Variants in LAD1 observed in about 807,000 individuals in gnomAD.
LAD1 encodes the protein ladinin 1, also known as ladinin-1.
In LAD1, 53 loss-of-function variants were observed where a neutral mutation model predicts 54.2. That is an observed-to-expected ratio of 0.98 (90% CI 0.78 to 1.23). The LOEUF (loss-of-function observed/expected upper bound fraction) is 1.23, where lower values mean the gene tolerates loss of function less well. LAD1 is among the 50% of genes most tolerant of loss of function. The probability of loss-of-function intolerance (pLI) is 0.00; values close to 1 mark genes in which losing one functional copy is unlikely to be tolerated. For synonymous variants in LAD1, 231 were observed against 257.7 expected, an observed-to-expected ratio of 0.90 and a Z score of 0.99; for missense variants, 637 against 653.3, an observed-to-expected ratio of 0.98 and a Z score of 0.27.
intron 9 of LAD1, 110 bp downstream of exon 9, chr1:201,382,142 G>A (rs1558268807): frequency 2.0e-6 from 2 of 988,832 alleles, no homozygotes; most frequent in Admixed American, 1.8e-5. Flanking sequence ...GGCGTTCTGG[G>A]TGGACTGCGC....
At position 201,386,755 on chromosome 1, in the gene LAD1, G is replaced by C. The variant is rs775559337; in HGVS notation, c.606C>G (p.Ile202Met). 9 of 1,614,112 alleles carry C rather than the reference G, an allele frequency of 5.6e-6. No homozygotes were observed. The highest frequency in any genetic ancestry group is 2.2e-5 in the South Asian group (2 of 91,090). The change falls in exon 3 of 10, where the codon ATC becomes ATG. Residue 202 changes from isoleucine to methionine, a missense_variant. Coordinates refer to ENST00000391967, the MANE Select transcript of LAD1 (RefSeq NM_005558.4). The part of the protein sequence containing the change: ...EKSLVSDKTS[I>M]SEKVLASEKT... ...TCTCTGAGGCCAGCACCTTCTCAGA[G>C]ATGGAGGTTTTATCGGAGACCAGGC...
intron 7 of LAD1, 124 bp downstream of exon 7, chr1:201,382,950 G>A: frequency 8.2e-7 from 1 of 1,223,352 alleles, no homozygotes; most frequent in Non-Finnish European, 1.1e-6. Context: ...AACTCAAATG[G>A]AGGTTCTGCC....
intron 5 of LAD1, 134 bp from the exon 6 acceptor site, chr1:201,383,523 C>A: frequency 1.2e-6 from 1 of 847,880 alleles, no homozygotes; most frequent in Non-Finnish European, 2.0e-6. Flanking sequence ...CATCACACAG[C>A]AGGCTGTGTT....
At chr1:201,385,030 C>T (rs781410012) in intron 4 of LAD1, among the ~76,000 whole-genome samples, 195 bp from the exon 5 acceptor site, 1 of 152,226 alleles carries the variant, frequency 6.6e-6, no homozygotes, top group Non-Finnish European at 1.5e-5. Flanking sequence ...CTGGAAGACA[C>T]AGGTTCCCAC....
chr1:201,394,182 A>G (rs1662246216), intron 1 of LAD1, among the ~76,000 whole-genome samples: 2 of 152,166 alleles, frequency 1.3e-5, no homozygotes, highest in African/African-American at 4.8e-5. Flanking sequence ...GTAAGTGTCA[A>G]TTTCAGGGGT....
chr1:201,399,110 G>T (rs954363552), intron 1 of LAD1, among the ~76,000 whole-genome samples, 159 bp downstream of exon 1: 1 of 152,212 alleles, frequency 6.6e-6, no homozygotes. Flanking sequence ...CAGGGGTCCC[G>T]AGTTTGGCCC....
chr1:201,398,559 G>T (rs1039300140), intron 1 of LAD1, among the ~76,000 whole-genome samples: 1 of 152,152 alleles, frequency 6.6e-6, no homozygotes, highest in Non-Finnish European at 1.5e-5. Context: ...TCCATGAGGG[G>T]TGCTGCCTTC....
intron 1 of LAD1, chr1:201,397,378 A>AG (rs1662309747): frequency 6.6e-6 from 1 of 152,498 alleles, no homozygotes; most frequent in African/African-American, 2.4e-5. Context: ...CAGGGAGGGC[A>AG]GGCCAGGGGC....
intron 8 of LAD1, 27 bp downstream of exon 8, chr1:201,382,626 A>C (rs1304000116): frequency 6.5e-7 from 1 of 1,548,428 alleles, no homozygotes; most frequent in Admixed American, 1.8e-5. Flanking sequence ...GCTCCACAGT[A>C]AGAGACATCA....
chr1:201,396,792 G>T (rs561155609), intron 1 of LAD1, among the ~76,000 whole-genome samples: 1 of 152,276 alleles, frequency 6.6e-6, no homozygotes, highest in South Asian at 2.1e-4. Flanking sequence ...GTCACTGTGG[G>T]GGGTAACTCA....
intron 1 of LAD1, among the ~76,000 whole-genome samples, chr1:201,395,904 G>T (rs1292903058): frequency 6.6e-6 from 1 of 152,236 alleles, no homozygotes; most frequent in Non-Finnish European, 1.5e-5. Context: ...TGCCAGAAAA[G>T]GTATGGCCAG....
Position 201,382,345 on chromosome 1 carries a change from G to A in LAD1, c.1474-19C>T. On this transcript the variant is annotated intron_variant, in intron 8 of 9. Coordinates refer to ENST00000391967, the MANE Select transcript of LAD1 (RefSeq NM_005558.4). ...GTGCCTCCTGATTGAGGGTATCAGG[G>A]TGGAGACCAGAGACTAAGACCAGGC... 1 of 1,593,038 alleles carries A rather than the reference G, an allele frequency of 6.3e-7. No individual in the cohort carries two copies. The highest frequency in any genetic ancestry group is 8.6e-7 in the Non-Finnish European group (1 of 1,160,878).
intron 5 of LAD1, 33 bp downstream of exon 5, chr1:201,384,759 A>T (rs1331278751): frequency 1.6e-5 from 26 of 1,612,118 alleles, no homozygotes; most frequent in South Asian, 2.2e-5. Context: ...AACATGGCCA[A>T]ATAGAAAGAA....
intron 1 of LAD1, chr1:201,391,070 C>T (rs2102359032): frequency 2.2e-6 from 1 of 456,070 alleles, no homozygotes; most frequent in Non-Finnish European, 4.4e-6. Context: ...ACAAACAAAA[C>T]CATTTACCCA....
intron 1 of LAD1, among the ~76,000 whole-genome samples, chr1:201,391,734 G>T (rs377075094): frequency 1.2e-3 from 180 of 152,320 alleles, no homozygotes; most frequent in South Asian, 6.0e-3. Flanking sequence ...GGCTTTCGAT[G>T]GGGTGGGGCT....
chr1:201,382,914 G>A lies in LAD1; in HGVS notation c.1386+160C>T. ...CCAGGGAGCTGTGTGCCCAGCTAAG[G>A]AGATGGGCTCAGGAACGTGAATGGG... On this transcript the variant is annotated intron_variant, in intron 7 of 9. Transcript: ENST00000391967. The A allele has an allele frequency of 3.9e-6, 4 of 1,038,238 alleles. No individual in the cohort carries two copies. The South Asian group carries it at 4.5e-5, about 12-fold the overall frequency. 64.3% of individuals were successfully genotyped at this position (1,038,238 alleles called of 1,614,324 possible). A position where few individuals can be genotyped will look rare whatever the true frequency, so the allele number is the denominator to read the frequency against.
At chr1:201,384,932 C>T in intron 4 of LAD1, 97 bp from the exon 5 acceptor site, 1 of 1,096,972 alleles carries the variant, frequency 9.1e-7, no homozygotes, top group East Asian at 2.4e-5. Context: ...TGTCCTCCTC[C>T]TCTTCAGACC....
chr1:201,393,287 C>T (rs532100426), intron 1 of LAD1, among the ~76,000 whole-genome samples: 29 of 152,072 alleles, frequency 1.9e-4, no homozygotes, highest in African/African-American at 6.5e-4. Context: ...GATGCTGCTG[C>T]GAGGGGAATG....
Position 201,387,091 on chromosome 1 carries a change from T to A in LAD1, c.270A>T (p.Arg90Ser), listed in dbSNP as rs1159317844. 2 of 1,606,962 alleles carry A rather than the reference T, an allele frequency of 1.2e-6. No individual in the cohort carries two copies. The highest frequency in any genetic ancestry group is 1.7e-6 in the Non-Finnish European group (2 of 1,177,008). Reference protein sequence around the residue: ...DEDEDIQSILRTRQERRQRRQ... With the variant: ...DEDEDIQSILSTRQERRQRRQ... ...GCCTCTGCCTCCGCTCCTGCCGTGT[T>A]CTGAGGATGCTCTGGATGTCCTCGT... The change falls in exon 3 of 10, where the codon AGA becomes AGT. Residue 90 changes from arginine to serine, a missense_variant. Arg to Ser is a moderately radical substitution (Grantham distance 110). Coordinates refer to ENST00000391967, the MANE Select transcript of LAD1 (RefSeq NM_005558.4).
Sources: allele counts gnomAD v4.1 joint callset (sites outside exome capture counted in the v4.1 genomes callset), GRCh38; gene constraint gnomAD v4.1.1; transcripts MANE v1.5; gene names NCBI Gene and HGNC (gene_info 2026-07-23, HGNC 2026-07-21).